SGSH: variants seen among roughly 807,000 people sequenced by gnomAD.
SGSH encodes the protein heparan sulfate sulfatase.
A neutral mutation model predicts 51.0 loss-of-function variants in SGSH; 48 were observed. The ratio of observed to expected loss-of-function variants is 0.94; its 90% CI spans 0.75 to 1.20. The LOEUF (loss-of-function observed/expected upper bound fraction) is 1.20, where lower values mean the gene tolerates loss of function less well. Among genes scored for constraint, SGSH ranks in the 50% most tolerant of loss-of-function variants. The pLI, the probability that SGSH is intolerant of heterozygous loss-of-function variation, is 0.00. For missense variants in SGSH, 662 were observed against 717.8 expected (o/e 0.92, Z 0.89); for synonymous variants, 321 against 313.4 (o/e 1.02, Z -0.26).
At chr17:80,214,918 C>G in intron 3 of SGSH, 115 bp downstream of exon 3, 1 of 1,298,482 alleles carries the variant, frequency 7.7e-7, no homozygotes, top group Non-Finnish European at 1.1e-6. Flanking sequence ...GGGACAAGAG[C>G]TAAGGGCAGG....
rs1460108613 is a variant in SGSH at position 80,214,612 on chromosome 17, T to G, written c.506+3A>C. 1.9e-6 allele frequency: 3 copies of G among 1,612,376 alleles called. No individual in the cohort carries two copies. The highest frequency in any genetic ancestry group is 2.5e-6 in the Non-Finnish European group (3 of 1,179,606). On this transcript the variant is annotated splice_donor_region_variant and intron_variant, in intron 4 of 7. Transcript: ENST00000326317. The stretch of plus-strand genomic sequence containing the variant: ...GGGAAGGGGCAGGGGCCCCGACTCA[T>G]ACCGGTCATCCTGAGTCTGCAGGAA...
chr17:80,208,104 C>T, downstream of SGSH: 1 of 1,471,538 alleles, frequency 6.8e-7, no homozygotes, highest in Non-Finnish European at 9.1e-7. Context: ...TTGCTCTCCC[C>T]TGAGCCCGCC....
intron 1 of SGSH, chr17:80,219,815 A>G (rs74000631): frequency 0.032 from 5,627 of 174,982 alleles, 277 homozygotes; most frequent in African/African-American, 0.11. Flanking sequence ...AAGACAGCTG[A>G]GACACAGGCT....
At position 80,213,727 on chromosome 17, in the gene SGSH, G is replaced by T; in HGVS notation, c.745+77C>A. The T allele has an allele frequency of 1.6e-6, 2 of 1,261,644 alleles. No homozygotes were observed. Among genetic ancestry groups the T allele is most frequent in the South Asian group, 1.3e-5 (1 of 78,840 alleles). 78.2% of individuals were successfully genotyped at this position (1,261,644 alleles called of 1,614,324 possible). A position where few individuals can be genotyped will look rare whatever the true frequency, so the allele number is the denominator to read the frequency against. The stretch of plus-strand genomic sequence containing the variant: ...GGGACCCTCACCCACATTATGCCGT[G>T]ACCTAAGAGGGCGCTGGCCCAGGAT... On this transcript the variant is annotated intron_variant, in intron 6 of 7. Transcript: ENST00000326317. This position sits in a 1 kb window ranked among gnomAD's most constrained non-coding sequence, Gnocchi z 4.6.
chr17:80,211,377 G>A (rs1029478615), intron 7 of SGSH: 7 of 349,898 alleles, frequency 2.0e-5, no homozygotes, highest in South Asian at 8.2e-5. Context: ...GATGTGGGCC[G>A]CGAGCTCGGA....
At chr17:80,202,421 G>A (rs952937101), downstream of SGSH, 1 of 1,608,992 alleles carries the variant, frequency 6.2e-7, no homozygotes, top group Non-Finnish European at 8.5e-7. Flanking sequence ...ACTACTCCAG[G>A]TGAGCAGCTG....
downstream of SGSH, chr17:80,203,741 C>A (rs971862848): frequency 1.1e-4 from 121 of 1,070,758 alleles, no homozygotes; most frequent in Non-Finnish European, 1.5e-4. The surrounding 1 kb of genome is among the most constrained non-coding windows in gnomAD (Gnocchi z 4.6). Flanking sequence ...CCATCTCCCC[C>A]ACTCTCCCCT....
chr17:80,217,197 G>T lies in SGSH; in HGVS notation c.89-5C>A. The T allele has an allele frequency of 6.3e-7, 1 of 1,596,576 alleles. No individual in the cohort carries two copies. The highest frequency in any genetic ancestry group is 8.5e-7 in the Non-Finnish European group (1 of 1,176,432). Reference sequence around the variant, plus strand: ...TCTCAAAGCCTCCGTCATCCGCTGCGTGAGGTGGGAGACAGAGAGTGCACG... The same window carrying T: ...TCTCAAAGCCTCCGTCATCCGCTGCTTGAGGTGGGAGACAGAGAGTGCACG... On this transcript the variant is annotated splice_region_variant and splice_polypyrimidine_tract_variant and intron_variant, in intron 1 of 7. Coordinates refer to ENST00000326317, the MANE Select transcript of SGSH (RefSeq NM_000199.5).
chr17:80,212,104 C>T lies in SGSH; in HGVS notation c.916G>A (p.Gly306Ser). The T allele has an allele frequency of 6.2e-7, 1 of 1,613,620 alleles. No homozygotes were observed. The highest frequency in any genetic ancestry group is 8.5e-7 in the Non-Finnish European group (1 of 1,180,030). ...VSSPEHPKRW[G>S]QVSEAYVSLL... ...CTCACGTAGGCCTCGCTGACTTGGC[C>T]CCAGCGTTTTGGGTGCTCCGGGGAT... is the stretch of plus-strand genomic sequence containing the variant. The change falls in exon 7 of 8, where the codon GGC (glycine) becomes AGC (serine). Residue 306 changes from glycine to serine, a missense_variant. Coordinates refer to ENST00000326317, the MANE Select transcript of SGSH (RefSeq NM_000199.5). This position sits in a 1 kb window ranked among gnomAD's most constrained non-coding sequence, Gnocchi z 5.9.
At position 80,214,852 on chromosome 17, in the gene SGSH, A is replaced by G. The variant is rs7219587; in HGVS notation, c.356-87T>C. ...CTCTGCCCCTCTCGGCCCTAAGCGC[A>G]CTGTGGGTTCTCGTGGACACACAGC... On this transcript the variant is annotated intron_variant, in intron 3 of 7. Transcript: ENST00000326317. 883 of 1,511,504 alleles carry G rather than the reference A, an allele frequency of 5.8e-4. 1 individual carries two copies. In the African/African-American group the frequency reaches 0.011, roughly 18 times the overall value. 93.6% of individuals were successfully genotyped at this position (1,511,504 alleles called of 1,614,324 possible).
At chr17:80,205,304 TC>T, downstream of SGSH, 1 of 985,214 alleles carries the variant, frequency 1.0e-6, no homozygotes, top group Non-Finnish European at 1.4e-6. Flanking sequence ...CCTCCTTCCC[TC>T]CCCCACCACG....
At chr17:80,218,079 C>A (rs1425321389) in intron 1 of SGSH, among the ~76,000 whole-genome samples, 1 of 152,240 alleles carries the variant, frequency 6.6e-6, no homozygotes, top group Non-Finnish European at 1.5e-5. Flanking sequence ...GGCATGCTAC[C>A]TGGGTGGGCG....
Position 80,212,412 on chromosome 17 carries a change from T to C in SGSH, c.746-138A>G. 1.3e-6 allele frequency: 1 copy of C among 758,340 alleles called. No homozygotes were observed. The allele number at this position is 758,340 out of a possible 1,614,324, so 47.0% of individuals were successfully genotyped here. On this transcript the variant is annotated intron_variant, in intron 6 of 7. Coordinates refer to ENST00000326317, the MANE Select transcript of SGSH (RefSeq NM_000199.5). The surrounding 1 kb of genome is among the most constrained non-coding windows in gnomAD (Gnocchi z 5.9). The stretch of plus-strand genomic sequence containing the variant: ...CGGATTCGAAAGCACCCTGTAGTTC[T>C]TCCCAATGGCCCTGGCTCTTGCCCA...
At chr17:80,215,984 G>A (rs1046657704) in intron 2 of SGSH, among the ~76,000 whole-genome samples, 3 of 151,960 alleles carry the variant, frequency 2.0e-5, no homozygotes, top group African/African-American at 4.8e-5. Context: ...GTTCTGACTC[G>A]TGCTACAGCA....
At position 80,210,477 on chromosome 17, in the gene SGSH, C is replaced by A; in HGVS notation, c.1484G>T (p.Cys495Phe). 1 of 1,600,004 alleles carries A rather than the reference C, an allele frequency of 6.2e-7. No individual in the cohort carries two copies. The highest frequency in any genetic ancestry group is 8.5e-7 in the Non-Finnish European group (1 of 1,178,272). ...GVLEEKLSPQ[C>F]QPLHNEL ...TCACAGCTCATTGTGGAGGGGCTGGCACTGGGGAGAGAGCTTCTCCTCCAG... is the reference window on the plus strand; with the variant it reads ...TCACAGCTCATTGTGGAGGGGCTGGAACTGGGGAGAGAGCTTCTCCTCCAG... Residue 495 changes from cysteine (C) to phenylalanine (F), a missense_variant, in exon 8 of 8, where the codon TGC becomes TTC. By Grantham distance (205) the Cys-to-Phe change is radical. Transcript: ENST00000326317.
In SGSH at chr17:80,220,256, C is replaced by A. The variant is rs1265389382; in HGVS notation, c.58G>T (p.Ala20Ser). ...AGCAGCAGTGCGTTCCGGGGACGCG[C>A]CCGGCAGAGCCCCAGGACTAGCAGC... ...ALLLVLGLCRARPRNALLLLA... is the reference protein window; with the variant it reads ...ALLLVLGLCRSRPRNALLLLA... Residue 20 changes from alanine (A) to serine (S), a missense_variant, in exon 1 of 8, where the codon GCG becomes TCG. Transcript: ENST00000326317. 3.3e-6 allele frequency: 5 copies of A among 1,523,262 alleles called. No homozygotes were observed. The highest frequency in any genetic ancestry group is 4.4e-6 in the Non-Finnish European group (5 of 1,142,010). 94.4% of individuals were successfully genotyped at this position (1,523,262 alleles called of 1,614,324 possible).
rs572591798 is a variant in SGSH, at chr17:80,210,302, A to G, written c.*150T>C. On this transcript the variant is annotated 3_prime_UTR_variant, in exon 8 of 8. Coordinates refer to ENST00000326317, the MANE Select transcript of SGSH (RefSeq NM_000199.5). The stretch of plus-strand genomic sequence containing the variant: ...TGGTCCCCCTCCAGGCAATGGCAAG[A>G]GTGACCCCACAGGAAGGAAGAACCC... 3 of 1,436,908 alleles carry G rather than the reference A, an allele frequency of 2.1e-6. No homozygotes were observed. The highest frequency in any genetic ancestry group is 1.4e-5 in the African/African-American group (1 of 70,094). The allele number at this position is 1,436,908 out of a possible 1,614,324, so 89.0% of individuals were successfully genotyped here. A position where few individuals can be genotyped will look rare whatever the true frequency, so the allele number is the denominator to read the frequency against.
At chr17:80,208,439 G>T (rs111766882), downstream of SGSH, 209 of 1,202,086 alleles carry the variant, frequency 1.7e-4, 2 homozygotes, top group African/African-American at 2.7e-3. Context: ...ACAGCTGTGG[G>T]CTCCTTGGCA....
At position 80,210,041 on chromosome 17, in the gene SGSH, T is replaced by C. The variant is rs964560844; in HGVS notation, c.*411A>G. ...TCTCTGTGAAGGGTTCAGAAGTATC[T>C]GTGGCTGCCAAAGCCTGAAGAGGGC... On this transcript the variant is annotated 3_prime_UTR_variant, in exon 8 of 8. Coordinates refer to ENST00000326317, the MANE Select transcript of SGSH (RefSeq NM_000199.5). The C allele has an allele frequency of 5.4e-6, 6 of 1,101,474 alleles. No individual in the cohort carries two copies. Among genetic ancestry groups the C allele is most frequent in the Non-Finnish European group, 5.6e-6 (5 of 899,370 alleles). 68.2% of individuals were successfully genotyped at this position (1,101,474 alleles called of 1,614,324 possible).
Sources: gnomAD v4.1 joint callset for allele counts (sites outside exome capture counted in the v4.1 genomes callset) on GRCh38, gnomAD v4.1.1 for gene constraint, Gnocchi (gnomAD v3.1) non-coding constraint, MANE v1.5 for transcripts, NCBI Gene and HGNC (gene_info 2026-07-23, HGNC 2026-07-21) for gene names.